Variants in PIAS2 observed in about 807,000 individuals in gnomAD.
PIAS2 encodes protein inhibitor of activated STAT 2.
Under a neutral mutation model 69.7 loss-of-function variants are expected in PIAS2, and 19 were observed. The ratio of observed to expected loss-of-function variants is 0.27; its 90% CI spans 0.19 to 0.40. PIAS2 has a LOEUF of 0.40. Among genes scored for constraint, PIAS2 ranks in the 10% least tolerant of loss-of-function variants. The pLI is 1.00. For missense variants in PIAS2, 624 were observed against 757.0 expected (o/e 0.82, Z 2.06); for synonymous variants, 261 against 263.2 (o/e 0.99, Z 0.08).
chr18:46,900,365 A>C (rs1350668116), intron 1 of PIAS2, among the ~76,000 whole-genome samples: 1 of 146,926 alleles, frequency 6.8e-6, no homozygotes, highest in East Asian at 2.0e-4. Context: ...TCCATCTTTA[A>C]AAAAAAAAAA....
At chr18:46,887,278 C>A (rs1047831045) in intron 2 of PIAS2, among the ~76,000 whole-genome samples, 1 of 150,924 alleles carries the variant, frequency 6.6e-6, no homozygotes, top group African/African-American at 2.4e-5. Flanking sequence ...AAAAAAATAG[C>A]CACATTGCCT....
intron 9 of PIAS2, among the ~76,000 whole-genome samples, chr18:46,832,285 C>T (rs527401105): frequency 4.0e-5 from 6 of 151,866 alleles, no homozygotes; most frequent in African/African-American, 1.4e-4. Context: ...CGTGGTGGCG[C>T]ACACCTGTAG....
At chr18:46,919,757 T>C (rs184571384), upstream of PIAS2, among the ~76,000 whole-genome samples, 1 of 152,346 alleles carries the variant, frequency 6.6e-6, no homozygotes, top group Admixed American at 6.5e-5. Flanking sequence ...ATTTGTTTAA[T>C]GAATAAAGGA....
chr18:46,813,069 C>CT (rs1263349537), intron 13 of PIAS2, among the ~76,000 whole-genome samples: 1 of 152,104 alleles, frequency 6.6e-6, no homozygotes, highest in Non-Finnish European at 1.5e-5. Context: ...CAAACAGATC[C>CT]TTTATGAATG....
At chr18:46,913,672 T>A (rs997901642) in intron 1 of PIAS2, among the ~76,000 whole-genome samples, 1 of 152,032 alleles carries the variant, frequency 6.6e-6, no homozygotes, top group Admixed American at 6.5e-5. Context: ...TTTTTGTGAA[T>A]GACTGCCACC....
intron 6 of PIAS2, among the ~76,000 whole-genome samples, chr18:46,845,803 T>G (rs1442017449): frequency 1.3e-5 from 2 of 152,170 alleles, no homozygotes; most frequent in African/African-American, 4.8e-5. Context: ...AATTAATCAT[T>G]TTAATTATAA....
intron 2 of PIAS2, among the ~76,000 whole-genome samples, chr18:46,887,723 T>C (rs895632128): frequency 7.9e-5 from 12 of 152,180 alleles, no homozygotes; most frequent in Admixed American, 4.6e-4. Context: ...CTACATTAAA[T>C]GGAAAGTAAG....
chr18:46,804,603 A>G lies in PIAS2; in HGVS notation c.*7830T>C, dbSNP rs1315212533. 2 of 152,346 alleles carry G rather than the reference A, an allele frequency of 1.3e-5. No homozygotes were observed. Among genetic ancestry groups the G allele is most frequent in the African/African-American group, 4.8e-5 (2 of 41,578 alleles). 9.4% of individuals were successfully genotyped at this position (152,346 alleles called of 1,614,324 possible). A position where few individuals can be genotyped will look rare whatever the true frequency, so the allele number is the denominator to read the frequency against. ...TCCTTAGCAAACTTCCAGCAATTCT[A>G]AACATTTCTGGCCCTTTTTGGACAA... On this transcript the variant is annotated 3_prime_UTR_variant, in exon 14 of 14. Coordinates refer to ENST00000585916, the MANE Select transcript of PIAS2 (RefSeq NM_004671.5).
intron 3 of PIAS2, among the ~76,000 whole-genome samples, chr18:46,862,579 G>A (rs868219101): frequency 6.6e-6 from 1 of 152,016 alleles, no homozygotes. Flanking sequence ...CAACTTTAAA[G>A]AGTCATATAA....
intron 12 of PIAS2, 139 bp downstream of exon 12, chr18:46,820,794 G>A (rs896876723): frequency 2.2e-5 from 14 of 648,330 alleles, no homozygotes; most frequent in Non-Finnish European, 3.1e-5. Flanking sequence ...TATAAAAACA[G>A]ATAAGACCTT....
chr18:46,889,470 C>T (rs892323398), intron 2 of PIAS2, among the ~76,000 whole-genome samples: 3 of 151,880 alleles, frequency 2.0e-5, no homozygotes, highest in African/African-American at 7.3e-5. Context: ...CCAAAAAGCA[C>T]ATGAAAATGC....
At chr18:46,894,121 A>T (rs948195632) in intron 1 of PIAS2, among the ~76,000 whole-genome samples, 9 of 152,170 alleles carry the variant, frequency 5.9e-5, no homozygotes, top group Non-Finnish European at 1.2e-4. Context: ...GTGAGACCCC[A>T]TCTCAAAAAG....
At chr18:46,848,531 G>A (rs2046478253) in intron 5 of PIAS2, among the ~76,000 whole-genome samples, 1 of 152,024 alleles carries the variant, frequency 6.6e-6, no homozygotes, top group Non-Finnish European at 1.5e-5. Flanking sequence ...AACTAGTACT[G>A]GTAGTATCAC....
At chr18:46,875,411 T>C (rs892854222) in intron 2 of PIAS2, among the ~76,000 whole-genome samples, 1 of 152,158 alleles carries the variant, frequency 6.6e-6, no homozygotes, top group Non-Finnish European at 1.5e-5. Context: ...TGTAACCCCT[T>C]ATCCCCTTGT....
chr18:46,846,565 C>T (rs2145269054), intron 6 of PIAS2, 142 bp downstream of exon 6: 3 of 699,052 alleles, frequency 4.3e-6, no homozygotes, highest in South Asian at 3.5e-5. Context: ...TCCACACTGC[C>T]ACCTCTAAAC....
In PIAS2 at chr18:46,824,251, A is replaced by G. The variant is rs1460821219; in HGVS notation, c.1509-3179T>C. The stretch of plus-strand genomic sequence containing the variant: ...TTGGATGTCTGAAAATAGGTTGACC[A>G]TTTCTATTTATAACCCTGAAGTTCA... On this transcript the variant is annotated intron_variant, in intron 11 of 13. Coordinates refer to ENST00000585916, the MANE Select transcript of PIAS2 (RefSeq NM_004671.5). 2.0e-5 allele frequency among the ~76,000 whole-genome samples: 3 copies of G among 152,280 alleles called. No individual in the cohort carries two copies. The East Asian group carries it at 5.8e-4, about 29-fold the overall frequency.
At chr18:46,842,157 T>C (rs1428291359) in intron 8 of PIAS2, among the ~76,000 whole-genome samples, 2 of 151,146 alleles carry the variant, frequency 1.3e-5, no homozygotes, top group South Asian at 2.1e-4. Context: ...ACCCAGGAGG[T>C]TGAAGCTGCA....
At chr18:46,813,712 TAA>T (rs2041216658) in intron 13 of PIAS2, among the ~76,000 whole-genome samples, 1 of 152,192 alleles carries the variant, frequency 6.6e-6, no homozygotes, top group Non-Finnish European at 1.5e-5. Flanking sequence ...GTCCCAGGTT[TAA>T]GTTGCCAGCC....
intron 2 of PIAS2, among the ~76,000 whole-genome samples, chr18:46,880,837 T>C (rs919332781): frequency 7.2e-5 from 11 of 152,188 alleles, no homozygotes; most frequent in African/African-American, 2.4e-4. Context: ...ACACAATGCT[T>C]TCAAGAAACA....
Sources: allele counts gnomAD v4.1 joint callset (sites outside exome capture counted in the v4.1 genomes callset), GRCh38; gene constraint gnomAD v4.1.1; transcripts MANE v1.5; gene names NCBI Gene and HGNC (gene_info 2026-07-23, HGNC 2026-07-21).